The following MIA2 variants were observed in gnomAD, a reference collection of about 807,000 sequenced individuals.
MIA2 encodes the protein melanoma inhibitory activity protein 2.
Under a neutral mutation model 167.8 loss-of-function variants are expected in MIA2, and 127 were observed. That is an observed-to-expected ratio of 0.76 (90% CI 0.66 to 0.88). The LOEUF is 0.88. Ranked by LOEUF, MIA2 falls within the 40% of genes least tolerant of loss-of-function variation. The pLI, the probability that MIA2 is intolerant of heterozygous loss-of-function variation, is 0.00. For synonymous variants in MIA2, 552 were observed against 541.9 expected, an observed-to-expected ratio of 1.02 and a Z score of -0.26; for missense variants, 1,690 against 1,624.7, an observed-to-expected ratio of 1.04 and a Z score of -0.69.
At chr14:39,379,804 C>A (rs1364695728) in intron 23 of MIA2, among the ~76,000 whole-genome samples, 1 of 152,082 alleles carries the variant, frequency 6.6e-6, no homozygotes, top group Non-Finnish European at 1.5e-5. Context: ...TAAGCCAAGT[C>A]ACACCACTGC....
chr14:39,373,992 C>G (rs868252229), intron 23 of MIA2, among the ~76,000 whole-genome samples: 11 of 152,132 alleles, frequency 7.2e-5, no homozygotes, highest in African/African-American at 2.7e-4. Flanking sequence ...AAGACTGTCT[C>G]AACAAGCAAA....
intron 23 of MIA2, among the ~76,000 whole-genome samples, chr14:39,357,636 T>C (rs2074563473): frequency 1.3e-5 from 2 of 152,234 alleles, no homozygotes; most frequent in African/African-American, 4.8e-5. Context: ...TGATGCACTT[T>C]CTTCCTAGCC....
intron 14 of MIA2, among the ~76,000 whole-genome samples, chr14:39,301,769 C>T (rs1389767677): frequency 6.6e-6 from 1 of 152,154 alleles, no homozygotes; most frequent in Non-Finnish European, 1.5e-5. Context: ...ATGTATCTCA[C>T]TGCAGATGTG....
At chr14:39,307,313 A>C (rs1001929286) in intron 17 of MIA2, among the ~76,000 whole-genome samples, 1 of 152,056 alleles carries the variant, frequency 6.6e-6, no homozygotes, top group Non-Finnish European at 1.5e-5. Flanking sequence ...GTTTAGCTCT[A>C]AAATTGAAAA....
chr14:39,237,537 T>G (rs7140766), intron 2 of MIA2, among the ~76,000 whole-genome samples: 99,439 of 152,106 alleles, frequency 0.65, 33,986 homozygotes, highest in African/African-American at 0.86. Flanking sequence ...ATGTTCAGTG[T>G]TGGTTCCAAT....
chr14:39,336,475 TA>T (rs1468336999), intron 25 of MIA2, among the ~76,000 whole-genome samples: 2 of 152,250 alleles, frequency 1.3e-5, no homozygotes, highest in Non-Finnish European at 2.9e-5. Flanking sequence ...AGTTTTCTTT[TA>T]AAACTCTGTG....
rs763580113 is a variant in MIA2, at chr14:39,240,603, A to G, written c.292A>G (p.Ile98Val). Residue 98 changes from isoleucine (I) to valine (V), a missense_variant, in exon 3 of 29, where the codon ATT (isoleucine) becomes GTT (valine). Ile to Val is a conservative substitution (Grantham distance 29). Coordinates refer to ENST00000640607, the MANE Select transcript of MIA2 (RefSeq NM_001329214.4). ...ATATTTTCCCAGAGATGCAGTCCAG[A>G]TTGAAGAGGTGTTCATATCTGAGGA... ...FGYFPRDAVQ[I>V]EEVFISEEIQ... The G allele has an allele frequency of 1.2e-6, 2 of 1,613,464 alleles. No individual in the cohort carries two copies. Among genetic ancestry groups the G allele is most frequent in the East Asian group, 2.2e-5 (1 of 44,786 alleles).
intron 25 of MIA2, among the ~76,000 whole-genome samples, chr14:39,338,155 A>G (rs1330127284): frequency 2.0e-5 from 3 of 152,194 alleles, no homozygotes; most frequent in Non-Finnish European, 2.9e-5. Flanking sequence ...TTTTGGTGGC[A>G]CAATAATTCT....
chr14:39,236,910 T>C lies in MIA2; in HGVS notation c.116-12T>C. ...TTTAAAGTGTGTATTTTTCTTTACA[T>C]GTTTTACATAGCTTTAATAAACAGA... On this transcript the variant is annotated splice_polypyrimidine_tract_variant and intron_variant, in intron 1 of 28. Transcript: ENST00000640607. The C allele has an allele frequency of 6.3e-7, 1 of 1,592,594 alleles. No homozygotes were observed. Among genetic ancestry groups the C allele is most frequent in the Non-Finnish European group, 8.5e-7 (1 of 1,173,884 alleles).
intron 6 of MIA2, among the ~76,000 whole-genome samples, chr14:39,272,717 C>T (rs142374865): frequency 3.3e-4 from 50 of 151,998 alleles, no homozygotes; most frequent in East Asian, 2.9e-3. Context: ...GAGCCAAGAT[C>T]GCACCACTGC....
At chr14:39,303,607 G>A (rs906624235) in intron 16 of MIA2, 83 bp downstream of exon 16, 2 of 959,370 alleles carry the variant, frequency 2.1e-6, no homozygotes, top group Non-Finnish European at 3.2e-6. Flanking sequence ...TGTTTAAAAA[G>A]TCCATTTTAT....
intron 23 of MIA2, chr14:39,370,692 C>T (rs888320911): frequency 2.0e-5 from 4 of 199,980 alleles, no homozygotes; most frequent in Admixed American, 5.2e-5. Context: ...GCCACCACTT[C>T]GCTGCTCATC....
intron 3 of MIA2, among the ~76,000 whole-genome samples, chr14:39,245,200 C>G (rs1475219613): frequency 6.6e-6 from 1 of 151,422 alleles, no homozygotes; most frequent in South Asian, 2.1e-4. Context: ...CTTGGCCTCC[C>G]AAAGTGCTGG....
chr14:39,253,398 T>G, intron 6 of MIA2: 1 of 601,746 alleles, frequency 1.7e-6, no homozygotes. Flanking sequence ...TCTTGAGCGG[T>G]GTTTGCTTTT....
At chr14:39,378,174 GTA>G (rs1352606800) in intron 23 of MIA2, among the ~76,000 whole-genome samples, 1 of 152,220 alleles carries the variant, frequency 6.6e-6, no homozygotes, top group Non-Finnish European at 1.5e-5. Flanking sequence ...TCTCATAAGA[GTA>G]TATGTTACTG....
In MIA2 at chr14:39,321,040, A is replaced by G; in HGVS notation, c.3480A>G (p.Pro1160=). ...EGPLRLSPLL[P]GGGGRGSRGP... is the part of the protein sequence containing the mutation. ...CACTCAGACTCTCACCTTTGCTTCCAGGGGGAGGAGGAAGAGGTATATTGT... is the reference window on the plus strand; with the variant it reads ...CACTCAGACTCTCACCTTTGCTTCCGGGGGGAGGAGGAAGAGGTATATTGT... Residue 1160 remains proline (P), a synonymous_variant, in exon 24 of 29, where the codon CCA becomes CCG. Transcript: ENST00000640607. 6.2e-7 allele frequency: 1 copy of G among 1,612,806 alleles called. No homozygotes were observed. Among genetic ancestry groups the G allele is most frequent in the Non-Finnish European group, 8.5e-7 (1 of 1,179,472 alleles).
intron 27 of MIA2, 131 bp downstream of exon 27, chr14:39,347,902 A>G: frequency 4.9e-6 from 4 of 811,368 alleles, no homozygotes; most frequent in Non-Finnish European, 7.4e-6. Flanking sequence ...GCTCACTGCA[A>G]CCTGGGTTCA....
intron 6 of MIA2, chr14:39,267,507 G>A: frequency 6.2e-7 from 1 of 1,613,676 alleles, no homozygotes; most frequent in Non-Finnish European, 8.5e-7. Context: ...GGCTGCTCCT[G>A]GAGGAGCTAC....
At chr14:39,271,699 G>A (rs2057171735) in intron 6 of MIA2, among the ~76,000 whole-genome samples, 1 of 151,896 alleles carries the variant, frequency 6.6e-6, no homozygotes, top group South Asian at 2.1e-4. Flanking sequence ...GGAGACCAAG[G>A]TGAGCAGATC....
Sources: allele counts gnomAD v4.1 joint callset (sites outside exome capture counted in the v4.1 genomes callset), GRCh38; gene constraint gnomAD v4.1.1; transcripts MANE v1.5; gene names NCBI Gene and HGNC (gene_info 2026-07-23, HGNC 2026-07-21).